CA12: variants seen among roughly 807,000 people sequenced by gnomAD.
CA12 encodes the protein carbonic anhydrase 12, also known as carbonate dehydratase XII.
A neutral mutation model predicts 46.8 loss-of-function variants in CA12; 36 were observed. The observed-to-expected ratio is 0.77, with a 90% confidence interval of 0.59 to 1.02. The LOEUF (loss-of-function observed/expected upper bound fraction) is 1.02. Among genes scored for constraint, CA12 ranks in the 50% least tolerant of loss-of-function variants. CA12 has a pLI of 0.00. For missense variants in CA12, 436 were observed against 451.4 expected, an observed-to-expected ratio of 0.97 and a Z score of 0.31; for synonymous variants, 202 against 187.0, an observed-to-expected ratio of 1.08 and a Z score of -0.65.
In CA12 at chr15:63,340,789, A is replaced by G; in HGVS notation, c.526-6T>C. On this transcript the variant is annotated splice_region_variant and splice_polypyrimidine_tract_variant and intron_variant, in intron 5 of 10. Transcript: ENST00000178638. The surrounding 1 kb of genome is among the most constrained non-coding windows in gnomAD (Gnocchi z 4.4). ...GACGGATTGAAGGAGCCCATCTGCA[A>G]CAGAGACAGGGCAGGTTAAACTGGG... 1 of 1,614,010 alleles carries G rather than the reference A, an allele frequency of 6.2e-7. No individual in the cohort carries two copies. Among genetic ancestry groups the G allele is most frequent in the East Asian group, 2.2e-5 (1 of 44,884 alleles).
At chr15:63,350,105 T>C (rs1028378584) in intron 2 of CA12, among the ~76,000 whole-genome samples, 1 of 152,176 alleles carries the variant, frequency 6.6e-6, no homozygotes, top group Non-Finnish European at 1.5e-5. Context: ...AGGAAGTTCA[T>C]AGGGCCCTCC....
Position 63,340,283 on chromosome 15 carries a change from G to A in CA12, c.747+5C>T. On this transcript the variant is annotated splice_donor_5th_base_variant and intron_variant, in intron 7 of 10. Coordinates refer to ENST00000178638, the MANE Select transcript of CA12 (RefSeq NM_001218.5). This position sits in a 1 kb window ranked among gnomAD's most constrained non-coding sequence, Gnocchi z 4.4. The stretch of plus-strand genomic sequence containing the variant: ...GACTCTGGCTGAGTCTGGCACGACA[G>A]TTACCTGCTCCTGGGAAATTTGCAC... The A allele has an allele frequency of 6.2e-7, 1 of 1,614,208 alleles. No homozygotes were observed. Among genetic ancestry groups the A allele is most frequent in the Non-Finnish European group, 8.5e-7 (1 of 1,180,032 alleles).
chr15:63,371,550 G>A (rs886107382), intron 2 of CA12, among the ~76,000 whole-genome samples: 1 of 152,238 alleles, frequency 6.6e-6, no homozygotes, highest in Admixed American at 6.5e-5. Context: ...GGCTGGCCTC[G>A]CGGGTGCCCT....
intron 2 of CA12, among the ~76,000 whole-genome samples, chr15:63,353,158 A>C (rs771318132): frequency 9.7e-4 from 147 of 152,152 alleles, no homozygotes; most frequent in Non-Finnish European, 1.8e-3. Context: ...GCACAAGGAA[A>C]TAATTGCAAT....
chr15:63,367,563 GGCA>G (rs980403622), intron 2 of CA12, among the ~76,000 whole-genome samples: 5 of 152,178 alleles, frequency 3.3e-5, no homozygotes, highest in African/African-American at 1.2e-4. Context: ...AGAAGGAGGG[GGCA>G]GCATGTGCCA....
chr15:63,342,162 G>A (rs1439711418), intron 4 of CA12, 65 bp from the exon 5 acceptor site: 2 of 1,062,218 alleles, frequency 1.9e-6, no homozygotes, highest in Non-Finnish European at 1.5e-6. Flanking sequence ...CGCTTCTGCA[G>A]AAGACTTGAC....
intron 2 of CA12, among the ~76,000 whole-genome samples, chr15:63,352,906 C>T (rs556727686): frequency 1.3e-5 from 2 of 152,102 alleles, no homozygotes; most frequent in South Asian, 4.1e-4. Flanking sequence ...ATTGTATTTG[C>T]AATAAAAAAC....
intron 2 of CA12, among the ~76,000 whole-genome samples, chr15:63,352,254 G>C (rs1000761724): frequency 1.3e-5 from 2 of 152,242 alleles, no homozygotes; most frequent in Middle Eastern, 6.8e-3. Flanking sequence ...ATGGGGTTTC[G>C]CCATGTTGGC....
chr15:63,370,814 G>C (rs533565708), intron 2 of CA12, among the ~76,000 whole-genome samples: 3 of 152,086 alleles, frequency 2.0e-5, no homozygotes, highest in East Asian at 3.9e-4. Flanking sequence ...AACATGTCTG[G>C]CCTTTTCCGG....
At position 63,349,902 on chromosome 15, in the gene CA12, C is replaced by A. The variant is rs139066967; in HGVS notation, c.107-3193G>T. 9.5e-3 allele frequency among the ~76,000 whole-genome samples: 1,448 copies of A among 152,250 alleles called. 10 individuals are homozygous for A. Among genetic ancestry groups the A allele is most frequent in the Middle Eastern group, 0.031 (9 of 294 alleles). ...TCATGCTTGTTCCTTTCCCAGGGAA[C>A]GTGCACCCACCTTAATTCCCTCATG... is the stretch of plus-strand genomic sequence containing the variant. On this transcript the variant is annotated intron_variant, in intron 2 of 10. Transcript: ENST00000178638.
rs1021150053 is a variant in CA12 at position 63,340,841 on chromosome 15, T to A, written c.526-58A>T. 1 of 1,487,642 alleles carries A rather than the reference T, an allele frequency of 6.7e-7. No individual in the cohort carries two copies. Among genetic ancestry groups the A allele is most frequent in the East Asian group, 2.3e-5 (1 of 44,248 alleles). The allele number at this position is 1,487,642 out of a possible 1,614,324, so 92.2% of individuals were successfully genotyped here. A position where few individuals can be genotyped will look rare whatever the true frequency, so the allele number is the denominator to read the frequency against. ...CAGAACAGGATAGGCTGAGCCAGGA[T>A]TGACGATTGCTATCAGAAGGGCAAA... is the stretch of plus-strand genomic sequence containing the variant. On this transcript the variant is annotated intron_variant, in intron 5 of 10. Transcript: ENST00000178638. This position sits in a 1 kb window ranked among gnomAD's most constrained non-coding sequence, Gnocchi z 4.4.
intron 2 of CA12, among the ~76,000 whole-genome samples, chr15:63,353,650 A>C (rs2039261288): frequency 6.6e-6 from 1 of 152,194 alleles, no homozygotes; most frequent in Non-Finnish European, 1.5e-5. Flanking sequence ...AGGGGACCGC[A>C]GACTTCATGT....
intron 8 of CA12, among the ~76,000 whole-genome samples, 174 bp downstream of exon 8, chr15:63,338,645 G>C (rs2039033834): frequency 6.6e-6 from 1 of 152,160 alleles, no homozygotes; most frequent in South Asian, 2.1e-4. Context: ...CACTGAAGGG[G>C]GGACCCCAGT....
chr15:63,375,648 C>A lies in CA12; in HGVS notation c.106+10G>T. ...TTTTCAACAAAAAAGTATTTAAAAT[C>A]TCTACTTACCAAAATAAGTCCACTT... is the stretch of plus-strand genomic sequence containing the variant. On this transcript the variant is annotated intron_variant, in intron 2 of 10. Transcript: ENST00000178638. 1.3e-6 allele frequency: 2 copies of A among 1,532,796 alleles called. No homozygotes were observed. Among genetic ancestry groups the A allele is most frequent in the East Asian group, 2.2e-5 (1 of 44,468 alleles). 94.9% of individuals were successfully genotyped at this position (1,532,796 alleles called of 1,614,324 possible).
rs1258519115 is a variant in CA12 at position 63,326,146 on chromosome 15, C to A, written c.*139G>T. ...GGTCCCAAGGCAAGGAGGCACCCAGCAGAGGATCCCTGAGGCCTGGCATGT... is the reference window on the plus strand; with the variant it reads ...GGTCCCAAGGCAAGGAGGCACCCAGAAGAGGATCCCTGAGGCCTGGCATGT... On this transcript the variant is annotated 3_prime_UTR_variant, in exon 11 of 11. Transcript: ENST00000178638. The A allele has an allele frequency of 1.5e-5, 11 of 725,706 alleles. No individual in the cohort carries two copies. The Admixed American group carries it at 2.2e-4, about 14-fold the overall frequency. 45.0% of individuals were successfully genotyped at this position (725,706 alleles called of 1,614,324 possible).
rs1214382336 is a variant in CA12 at position 63,322,372 on chromosome 15, T to G, written c.*3913A>C. On this transcript the variant is annotated 3_prime_UTR_variant, in exon 11 of 11. Coordinates refer to ENST00000178638, the MANE Select transcript of CA12 (RefSeq NM_001218.5). The surrounding 1 kb of genome is among the most constrained non-coding windows in gnomAD (Gnocchi z 4.1). The stretch of plus-strand genomic sequence containing the variant: ...AGTATTTTAGATCTGTTGGATTATC[T>G]AAAATTAAATTTAAATTAATGTCAC... The G allele has an allele frequency of 2.0e-5, 3 of 151,486 alleles. 1 individual carries two copies. Among genetic ancestry groups the G allele is most frequent in the Admixed American group, 1.3e-4 (2 of 15,240 alleles). 9.4% of individuals were successfully genotyped at this position (151,486 alleles called of 1,614,324 possible). A position where few individuals can be genotyped will look rare whatever the true frequency, so the allele number is the denominator to read the frequency against.
intron 1 of CA12, among the ~76,000 whole-genome samples, chr15:63,376,237 C>G (rs1041986293): frequency 6.6e-6 from 1 of 152,126 alleles, no homozygotes; most frequent in Non-Finnish European, 1.5e-5. Flanking sequence ...TGAGCAGGTG[C>G]CTTCCAGACA....
intron 2 of CA12, among the ~76,000 whole-genome samples, chr15:63,360,917 G>A (rs934754467): frequency 6.6e-6 from 1 of 152,252 alleles, no homozygotes; most frequent in Non-Finnish European, 1.5e-5. Context: ...CCTGTGACCA[G>A]CCCACAAAGG....
At chr15:63,369,308 T>A (rs144249996) in intron 2 of CA12, among the ~76,000 whole-genome samples, 387 of 152,356 alleles carry the variant, frequency 2.5e-3, no homozygotes, top group African/African-American at 8.9e-3. Flanking sequence ...TTTGGTGCTG[T>A]AGAGTTTACA....
Sources: gnomAD v4.1 joint callset for allele counts (sites outside exome capture counted in the v4.1 genomes callset) on GRCh38, gnomAD v4.1.1 for gene constraint, Gnocchi (gnomAD v3.1) non-coding constraint, MANE v1.5 for transcripts, NCBI Gene and HGNC (gene_info 2026-07-23, HGNC 2026-07-21) for gene names.